Variants in LRRC14 observed in about 807,000 individuals in gnomAD.
LRRC14 encodes the protein leucine rich repeat containing 14.
In LRRC14, 16 loss-of-function variants were observed where a neutral mutation model predicts 25.3. The ratio of observed to expected loss-of-function variants is 0.63; its 90% CI spans 0.43 to 0.96. The LOEUF (loss-of-function observed/expected upper bound fraction) is 0.96, where lower values mean the gene tolerates loss of function less well. LRRC14 is among the 40% of genes least tolerant of loss of function. LRRC14 has a pLI of 0.00. For synonymous variants in LRRC14, 359 were observed against 295.1 expected, an observed-to-expected ratio of 1.22 and a Z score of -2.22; for missense variants, 594 against 660.5, an observed-to-expected ratio of 0.90 and a Z score of 1.10.
chr8:144,518,598 C>T (rs768127542), intron 1 of LRRC14: 1 of 152,296 alleles, frequency 6.6e-6, no homozygotes, highest in Non-Finnish European at 1.5e-5. Context: ...TTTTCAGGAA[C>T]CGGTGCCTTA....
rs376131634 is a variant in LRRC14, at chr8:144,522,759, G to A, written c.*1281G>A. On this transcript the variant is annotated 3_prime_UTR_variant, in exon 4 of 4. Coordinates refer to ENST00000292524, the MANE Select transcript of LRRC14 (RefSeq NM_014665.4). ...CGGCGACAGATCATGGCGACCAGGA[G>A]CAGCGCCGTGAGCGCCAGCAGCGCG... The A allele has an allele frequency of 1.9e-6, 3 of 1,578,400 alleles. No individual in the cohort carries two copies. Among genetic ancestry groups the A allele is most frequent in the East Asian group, 2.4e-5 (1 of 42,176 alleles).
chr8:144,522,911 G>GGCTGCTGCC lies in LRRC14; in HGVS notation c.*1435_*1443dup. ...AGGCGGCGGTTGCGCGGGCTGCTGC[G>GGCTGCTGCC]GCTGCTGCCGGGACGCGTTGACCAG... On this transcript the variant is annotated 3_prime_UTR_variant, in exon 4 of 4. Coordinates refer to ENST00000292524, the MANE Select transcript of LRRC14 (RefSeq NM_014665.4). 7.2e-7 allele frequency: 1 copy of GGCTGCTGCC among 1,381,042 alleles called. No homozygotes were observed. Among genetic ancestry groups the GGCTGCTGCC allele is most frequent in the Admixed American group, 3.4e-5 (1 of 29,668 alleles). 85.5% of individuals were successfully genotyped at this position (1,381,042 alleles called of 1,614,324 possible). A position where few individuals can be genotyped will look rare whatever the true frequency, so the allele number is the denominator to read the frequency against.
chr8:144,524,026 ATG>A lies in LRRC14; in HGVS notation c.*2550_*2551del. 6.8e-7 allele frequency: 1 copy of A among 1,478,260 alleles called. No homozygotes were observed. Among genetic ancestry groups the A allele is most frequent in the Non-Finnish European group, 9.2e-7 (1 of 1,091,920 alleles). The allele number at this position is 1,478,260 out of a possible 1,614,324, so 91.6% of individuals were successfully genotyped here. A position where few individuals can be genotyped will look rare whatever the true frequency, so the allele number is the denominator to read the frequency against. ...TTCCAGACTGCTGCCCAGTTGCCTG[ATG>A]TCAGAGCCCCTCCACACATGAGCCT... is the stretch of plus-strand genomic sequence containing the variant. On this transcript the variant is annotated 3_prime_UTR_variant, in exon 4 of 4. Coordinates refer to ENST00000292524, the MANE Select transcript of LRRC14 (RefSeq NM_014665.4).
rs746624095 is a variant in LRRC14, at chr8:144,523,086, C to T, written c.*1608C>T. The T allele has an allele frequency of 1.2e-6, 2 of 1,608,194 alleles. No individual in the cohort carries two copies. The highest frequency in any genetic ancestry group is 1.7e-6 in the Non-Finnish European group (2 of 1,179,098). On this transcript the variant is annotated 3_prime_UTR_variant, in exon 4 of 4. Coordinates refer to ENST00000292524, the MANE Select transcript of LRRC14 (RefSeq NM_014665.4). ...CCGCCCAGGCCCAGCAACCCGCCTT[C>T]TAGCTGGGCCTGGGCTCGCGGCCGG...
Position 144,522,728 on chromosome 8 carries a change from C to T in LRRC14, c.*1250C>T, listed in dbSNP as rs1272725642. 3 of 1,592,002 alleles carry T rather than the reference C, an allele frequency of 1.9e-6. No homozygotes were observed. The highest frequency in any genetic ancestry group is 4.6e-5 in the East Asian group (2 of 43,272). The stretch of plus-strand genomic sequence containing the variant: ...AGGCCCCCGCGCCTTTTTTCGCCTG[C>T]GGCGCCGGCGACAGATCATGGCGAC... On this transcript the variant is annotated 3_prime_UTR_variant, in exon 4 of 4. Transcript: ENST00000292524.
intron 2 of LRRC14, 28 bp downstream of exon 2, chr8:144,520,082 G>A (rs745638321): frequency 1.8e-5 from 28 of 1,589,688 alleles, no homozygotes; most frequent in Non-Finnish European, 2.4e-5. Context: ...GGGTCGTCAG[G>A]CCAGGGGTGT....
At position 144,520,357 on chromosome 8, in the gene LRRC14, A is replaced by G. The variant is rs1421893759; in HGVS notation, c.449A>G (p.Gln150Arg). 3 of 1,611,702 alleles carry G rather than the reference A, an allele frequency of 1.9e-6. No individual in the cohort carries two copies. Among genetic ancestry groups the G allele is most frequent in the South Asian group, 1.1e-5 (1 of 91,072 alleles). Residue 150 changes from glutamine to arginine, a missense_variant, in exon 3 of 4, where the codon CAG becomes CGG. Transcript: ENST00000292524. ...GCCGTAGCTCGCACATGCATTGCCC[A>G]GCAGCAGGGTGGGGCCGCAGAGCCT... Reference protein sequence around the residue: ...TAAVARTCIAQQQGGAAEPGP... With the variant: ...TAAVARTCIARQQGGAAEPGP...
chr8:144,519,876 G>A lies in LRRC14; in HGVS notation c.151G>A (p.Val51Ile). ...GAAGACAGTGGTACTGCGCGAGTTG[G>A]TACACACGTGGCCCTTCCCGCTGCT... The part of the protein sequence containing the change: ...DKKTVVLREL[V>I]HTWPFPLLSF... Residue 51 changes from valine to isoleucine, a missense_variant, in exon 2 of 4, where the codon GTA becomes ATA. Val to Ile is a conservative substitution (Grantham distance 29). Coordinates refer to ENST00000292524, the MANE Select transcript of LRRC14 (RefSeq NM_014665.4). 6.2e-7 allele frequency: 1 copy of A among 1,613,514 alleles called. No individual in the cohort carries two copies. The highest frequency in any genetic ancestry group is 8.5e-7 in the Non-Finnish European group (1 of 1,180,032).
At position 144,522,489 on chromosome 8, in the gene LRRC14, C is replaced by G. The variant is rs1034732091; in HGVS notation, c.*1011C>G. On this transcript the variant is annotated 3_prime_UTR_variant, in exon 4 of 4. Coordinates refer to ENST00000292524, the MANE Select transcript of LRRC14 (RefSeq NM_014665.4). ...CGCCCGCGGCCCTAGCAGTGGATCT[C>G]GTAGGCGACCGGCGGGGGCACGCGG... 7.4e-6 allele frequency: 11 copies of G among 1,491,758 alleles called. No homozygotes were observed. The highest frequency in any genetic ancestry group is 9.8e-6 in the Non-Finnish European group (11 of 1,127,792). The allele number at this position is 1,491,758 out of a possible 1,614,324, so 92.4% of individuals were successfully genotyped here.
Position 144,524,028 on chromosome 8 carries a change from G to A in LRRC14, c.*2550G>A. 2.0e-6 allele frequency: 3 copies of A among 1,492,528 alleles called. No individual in the cohort carries two copies. Among genetic ancestry groups the A allele is most frequent in the Non-Finnish European group, 2.7e-6 (3 of 1,101,838 alleles). 92.5% of individuals were successfully genotyped at this position (1,492,528 alleles called of 1,614,324 possible). A position where few individuals can be genotyped will look rare whatever the true frequency, so the allele number is the denominator to read the frequency against. On this transcript the variant is annotated 3_prime_UTR_variant, in exon 4 of 4. Transcript: ENST00000292524. ...CCAGACTGCTGCCCAGTTGCCTGAT[G>A]TCAGAGCCCCTCCACACATGAGCCT...
chr8:144,519,866 G>A lies in LRRC14; in HGVS notation c.141G>A (p.Leu47=). The stretch of plus-strand genomic sequence containing the variant: ...TCATGGACAAGAAGACAGTGGTACT[G>A]CGCGAGTTGGTACACACGTGGCCCT... ...VAFMDKKTVV[L]RELVHTWPFP... The change falls in exon 2 of 4, where the codon CTG becomes CTA. Residue 47 remains leucine (L), a synonymous_variant. Coordinates refer to ENST00000292524, the MANE Select transcript of LRRC14 (RefSeq NM_014665.4). The A allele has an allele frequency of 6.2e-7, 1 of 1,613,536 alleles. No homozygotes were observed. The highest frequency in any genetic ancestry group is 8.5e-7 in the Non-Finnish European group (1 of 1,180,028).
At position 144,523,040 on chromosome 8, in the gene LRRC14, C is replaced by T; in HGVS notation, c.*1562C>T. On this transcript the variant is annotated 3_prime_UTR_variant, in exon 4 of 4. Transcript: ENST00000292524. ...GTTGCTGAGGAAGAGCATGCCGCTGCCCGTGTCGGATGCCGAGTGTCCGCC... is the reference window on the plus strand; with the variant it reads ...GTTGCTGAGGAAGAGCATGCCGCTGTCCGTGTCGGATGCCGAGTGTCCGCC... 3 of 1,602,330 alleles carry T rather than the reference C, an allele frequency of 1.9e-6. No homozygotes were observed. Among genetic ancestry groups the T allele is most frequent in the Non-Finnish European group, 2.6e-6 (3 of 1,176,278 alleles).
chr8:144,523,543 GCCA>G lies in LRRC14; in HGVS notation c.*2068_*2070del. On this transcript the variant is annotated 3_prime_UTR_variant, in exon 4 of 4. Coordinates refer to ENST00000292524, the MANE Select transcript of LRRC14 (RefSeq NM_014665.4). ...GTTTTCACACGGAGTCCAAGGCCCT[GCCA>G]CCCCTTCCTTGACCCCAAGCTCCTT... 7.5e-7 allele frequency: 1 copy of G among 1,341,250 alleles called. No individual in the cohort carries two copies. Among genetic ancestry groups the G allele is most frequent in the Non-Finnish European group, 9.6e-7 (1 of 1,045,022 alleles). The allele number at this position is 1,341,250 out of a possible 1,614,324, so 83.1% of individuals were successfully genotyped here. A position where few individuals can be genotyped will look rare whatever the true frequency, so the allele number is the denominator to read the frequency against.
At position 144,525,101 on chromosome 8, in the gene LRRC14, C is replaced by T. The variant is rs1247129355; in HGVS notation, c.*3623C>T. On this transcript the variant is annotated 3_prime_UTR_variant, in exon 4 of 4. Transcript: ENST00000292524. ...AGCCAATAGATGGAATGGAGGCCTG[C>T]ACCTGCGTCTAACTTTTGACGCTAT... The T allele has an allele frequency of 9.5e-6, 10 of 1,057,720 alleles. No individual in the cohort carries two copies. Among genetic ancestry groups the T allele is most frequent in the Non-Finnish European group, 1.2e-5 (10 of 800,478 alleles). 65.5% of individuals were successfully genotyped at this position (1,057,720 alleles called of 1,614,324 possible).
Position 144,523,100 on chromosome 8 carries a change from G to T in LRRC14, c.*1622G>T, listed in dbSNP as rs779872172. 2.5e-6 allele frequency: 4 copies of T among 1,608,964 alleles called. No individual in the cohort carries two copies. Among genetic ancestry groups the T allele is most frequent in the Non-Finnish European group, 3.4e-6 (4 of 1,179,488 alleles). On this transcript the variant is annotated 3_prime_UTR_variant, in exon 4 of 4. Coordinates refer to ENST00000292524, the MANE Select transcript of LRRC14 (RefSeq NM_014665.4). Reference sequence around the variant, plus strand: ...CAACCCGCCTTCTAGCTGGGCCTGGGCTCGCGGCCGGCCCTCGCGAGGCTG... The same window carrying T: ...CAACCCGCCTTCTAGCTGGGCCTGGTCTCGCGGCCGGCCCTCGCGAGGCTG...
rs369217339 is a variant in LRRC14, at chr8:144,522,742, G to A, written c.*1264G>A. On this transcript the variant is annotated 3_prime_UTR_variant, in exon 4 of 4. Transcript: ENST00000292524. ...TTTTTCGCCTGCGGCGCCGGCGACA[G>A]ATCATGGCGACCAGGAGCAGCGCCG... 27 of 1,588,632 alleles carry A rather than the reference G, an allele frequency of 1.7e-5. No individual in the cohort carries two copies. The Admixed American group carries it at 4.2e-4, about 25-fold the overall frequency.
rs986459111 is a variant in LRRC14 at position 144,524,336 on chromosome 8, C to T, written c.*2858C>T. 71 of 1,599,540 alleles carry T rather than the reference C, an allele frequency of 4.4e-5. No homozygotes were observed. Among genetic ancestry groups the T allele is most frequent in the Admixed American group, 2.2e-4 (13 of 59,690 alleles). ...GGGCGCCGAGGTTGGGGGCATGTCT[C>T]TCTTCTTACCAAGCTAGACTGGGTT... On this transcript the variant is annotated 3_prime_UTR_variant, in exon 4 of 4. Transcript: ENST00000292524.
In LRRC14 at chr8:144,522,354, C is replaced by T. The variant is rs1816127277; in HGVS notation, c.*876C>T. The stretch of plus-strand genomic sequence containing the variant: ...CCCAGGATTCCCGAGTGCAACGTTC[C>T]CGGCTCGCGCCCCACACACGGCTCA... On this transcript the variant is annotated 3_prime_UTR_variant, in exon 4 of 4. Transcript: ENST00000292524. The T allele has an allele frequency of 6.8e-6, 9 of 1,317,796 alleles. No homozygotes were observed. The highest frequency in any genetic ancestry group is 4.1e-5 in the Admixed American group (1 of 24,408). The allele number at this position is 1,317,796 out of a possible 1,614,324, so 81.6% of individuals were successfully genotyped here.
chr8:144,523,929 G>C lies in LRRC14; in HGVS notation c.*2451G>C. The C allele has an allele frequency of 1.4e-6, 1 of 694,842 alleles. No individual in the cohort carries two copies. Among genetic ancestry groups the C allele is most frequent in the Admixed American group, 2.5e-5 (1 of 40,310 alleles). 43.0% of individuals were successfully genotyped at this position (694,842 alleles called of 1,614,324 possible). ...CTGTCTTCTGTTTTCCCCAGGCAGG[G>C]TGCCTGAGCTGTATTCCCCAGCACA... On this transcript the variant is annotated 3_prime_UTR_variant, in exon 4 of 4. Transcript: ENST00000292524.
Sources: allele counts gnomAD v4.1 joint callset, GRCh38; gene constraint gnomAD v4.1.1; transcripts MANE v1.5; gene names NCBI Gene and HGNC (gene_info 2026-07-23, HGNC 2026-07-21).